NR2C2: variants seen among roughly 807,000 people sequenced by gnomAD.
The protein encoded by NR2C2 is Nuclear hormone receptor TR4.
A neutral mutation model predicts 62.9 loss-of-function variants in NR2C2; 6 were observed. The ratio of observed to expected loss-of-function variants is 0.10; its 90% CI spans 0.05 to 0.19. The LOEUF (loss-of-function observed/expected upper bound fraction) is 0.19. Among genes scored for constraint, NR2C2 ranks in the 10% least tolerant of loss-of-function variants. NR2C2 has a pLI of 1.00. For missense variants in NR2C2, 479 were observed against 762.7 expected, an observed-to-expected ratio of 0.63 and a Z score of 4.38; for synonymous variants, 272 against 273.8, an observed-to-expected ratio of 0.99 and a Z score of 0.07.
Position 15,043,063 on chromosome 3 carries a change from A to G in NR2C2, c.*55A>G. ...AGAATCCTTCCAGGACCGTTCACAT[A>G]CAAAGAAAAGTAGTGGTATTTTGGT... On this transcript the variant is annotated 3_prime_UTR_variant, in exon 14 of 14. Coordinates refer to ENST00000425241, the MANE Select transcript of NR2C2 (RefSeq NM_001291694.2). 1 of 1,515,194 alleles carries G rather than the reference A, an allele frequency of 6.6e-7. No individual in the cohort carries two copies. The highest frequency in any genetic ancestry group is 8.9e-7 in the Non-Finnish European group (1 of 1,123,004). The allele number at this position is 1,515,194 out of a possible 1,614,324, so 93.9% of individuals were successfully genotyped here. A position where few individuals can be genotyped will look rare whatever the true frequency, so the allele number is the denominator to read the frequency against.
chr3:15,002,817 C>T (rs551389111), intron 1 of NR2C2, among the ~76,000 whole-genome samples: 1 of 151,178 alleles, frequency 6.6e-6, no homozygotes, highest in East Asian at 1.9e-4. Flanking sequence ...GGCCACCATG[C>T]CTGGCTAATT....
intron 1 of NR2C2, among the ~76,000 whole-genome samples, chr3:14,981,740 G>A (rs930054944): frequency 6.6e-6 from 1 of 152,250 alleles, no homozygotes; most frequent in South Asian, 2.1e-4. Flanking sequence ...CAACAGTGCA[G>A]CCTTCAGTCG....
intron 4 of NR2C2, among the ~76,000 whole-genome samples, chr3:15,020,490 A>C (rs2041641247): frequency 1.3e-5 from 2 of 152,242 alleles, no homozygotes. Context: ...CACTAAGGTC[A>C]TGCCATCTGC....
Position 14,947,845 on chromosome 3 carries a change from C to T in NR2C2, c.-101C>T, listed in dbSNP as rs888947544. 5 of 148,346 alleles carry T rather than the reference C, an allele frequency of 3.4e-5. No individual in the cohort carries two copies. The highest frequency in any genetic ancestry group is 9.8e-5 in the African/African-American group (4 of 40,706). The allele number at this position is 148,346 out of a possible 1,614,324, so 9.2% of individuals were successfully genotyped here. On this transcript the variant is annotated 5_prime_UTR_variant, in exon 1 of 14. Transcript: ENST00000425241. ...GCTCCCCGCGCCCTGCCCTCCGCGC[C>T]GGGGGCCGCCCGCCGCAGACACGGG...
intron 1 of NR2C2, among the ~76,000 whole-genome samples, chr3:14,948,973 ACTTGAAAATGGTGTTATTG>A (rs1369264674): frequency 6.6e-6 from 1 of 152,198 alleles, no homozygotes; most frequent in Non-Finnish European, 1.5e-5. Flanking sequence ...CTTCAGAGTC[ACTTGAAAATGGTGTTATTG>A]TTAAAAATGG....
At chr3:14,960,610 C>A (rs1309260879) in intron 1 of NR2C2, among the ~76,000 whole-genome samples, 1 of 152,162 alleles carries the variant, frequency 6.6e-6, no homozygotes, top group Non-Finnish European at 1.5e-5. Flanking sequence ...TAATATTTTC[C>A]TAACAATATT....
At chr3:14,956,469 C>T (rs1032617509) in intron 1 of NR2C2, among the ~76,000 whole-genome samples, 1 of 152,144 alleles carries the variant, frequency 6.6e-6, no homozygotes, top group Non-Finnish European at 1.5e-5. Flanking sequence ...CCTAATTTAG[C>T]CCCATTGTTT....
At chr3:15,002,743 C>T (rs1409057133) in intron 1 of NR2C2, among the ~76,000 whole-genome samples, 5 of 145,614 alleles carry the variant, frequency 3.4e-5, no homozygotes, top group Non-Finnish European at 7.5e-5. Context: ...ACTGCAACCT[C>T]CGCCTCCCGG....
intron 13 of NR2C2, among the ~76,000 whole-genome samples, chr3:15,041,135 G>C (rs971276758): frequency 6.6e-6 from 1 of 152,166 alleles, no homozygotes; most frequent in African/African-American, 2.4e-5. Flanking sequence ...AAATTCACTC[G>C]AGATAGTTCT....
chr3:15,020,361 G>A (rs1462976245), intron 4 of NR2C2, among the ~76,000 whole-genome samples: 1 of 152,230 alleles, frequency 6.6e-6, no homozygotes, highest in Non-Finnish European at 1.5e-5. Flanking sequence ...CAGGGGCCCT[G>A]AGCCGCATCA....
intron 1 of NR2C2, among the ~76,000 whole-genome samples, chr3:14,981,634 T>C (rs2125330012): frequency 6.7e-6 from 1 of 149,980 alleles, no homozygotes; most frequent in Admixed American, 6.6e-5. Flanking sequence ...GAGTATTGAT[T>C]CACATGATCA....
At chr3:15,016,432 A>G (rs1283632415) in intron 4 of NR2C2, among the ~76,000 whole-genome samples, 178 bp downstream of exon 4, 2 of 152,194 alleles carry the variant, frequency 1.3e-5, no homozygotes, top group African/African-American at 2.4e-5. Context: ...AGTTTGTCAG[A>G]AATTAGACAT....
At chr3:14,981,466 G>A (rs1453099958) in intron 1 of NR2C2, among the ~76,000 whole-genome samples, 1 of 151,878 alleles carries the variant, frequency 6.6e-6, no homozygotes, top group Non-Finnish European at 1.5e-5. Context: ...AGCCAGGTGT[G>A]GTGGTGGGCG....
At chr3:14,993,615 C>G (rs1195168994) in intron 1 of NR2C2, among the ~76,000 whole-genome samples, 2 of 152,148 alleles carry the variant, frequency 1.3e-5, no homozygotes, top group Non-Finnish European at 2.9e-5. Context: ...TCAGCTGCCT[C>G]TGGTGCCACT....
chr3:15,022,390 T>TTTTC (rs1462289039), intron 5 of NR2C2, among the ~76,000 whole-genome samples: 88 of 141,334 alleles, frequency 6.2e-4, no homozygotes, highest in Non-Finnish European at 6.2e-4. Flanking sequence ...TCTTTTTTCT[T>TTTTC]TTTCTTTCTT....
At chr3:14,957,901 G>A (rs919297185) in intron 1 of NR2C2, among the ~76,000 whole-genome samples, 2 of 132,064 alleles carry the variant, frequency 1.5e-5, no homozygotes, top group Admixed American at 8.1e-5. Flanking sequence ...CTCCTTCCCT[G>A]GTCTCTGTAA....
intron 1 of NR2C2, among the ~76,000 whole-genome samples, chr3:14,956,386 G>A (rs2039525952): frequency 6.6e-6 from 1 of 152,184 alleles, no homozygotes; most frequent in South Asian, 2.1e-4. Context: ...CCTATCAAGA[G>A]TTCTATGCCC....
At chr3:14,988,690 G>A (rs538842398) in intron 1 of NR2C2, among the ~76,000 whole-genome samples, 1 of 152,218 alleles carries the variant, frequency 6.6e-6, no homozygotes, top group African/African-American at 2.4e-5. Flanking sequence ...GAGGTGAAGG[G>A]ACTTATAGTC....
chr3:15,032,622 C>T, intron 10 of NR2C2, 122 bp downstream of exon 10: 1 of 1,197,254 alleles, frequency 8.4e-7, no homozygotes, highest in South Asian at 1.4e-5. Flanking sequence ...TTCAAAGGAC[C>T]CTGAGTTTTT....
Sources: gnomAD v4.1 joint callset for allele counts (sites outside exome capture counted in the v4.1 genomes callset) on GRCh38, gnomAD v4.1.1 for gene constraint, MANE v1.5 for transcripts, NCBI Gene and HGNC (gene_info 2026-07-23, HGNC 2026-07-21) for gene names.